MSI2: variants seen among roughly 807,000 people sequenced by gnomAD.
MSI2 encodes RNA-binding protein Musashi homolog 2.
MSI2 carries 17 observed loss-of-function variants against 45.6 expected under a neutral mutation model. That is an observed-to-expected ratio of 0.37 (90% CI 0.26 to 0.56). MSI2 has a LOEUF of 0.56. Among genes scored for constraint, MSI2 ranks in the 20% least tolerant of loss-of-function variants. The pLI, the probability that MSI2 is intolerant of heterozygous loss-of-function variation, is 0.77. For synonymous variants in MSI2, 156 were observed against 158.2 expected, an observed-to-expected ratio of 0.99 and a Z score of 0.11; for missense variants, 293 against 444.2, an observed-to-expected ratio of 0.66 and a Z score of 3.06.
intron 5 of MSI2, among the ~76,000 whole-genome samples, chr17:57,400,742 C>A (rs903531565): frequency 6.6e-6 from 1 of 151,880 alleles, no homozygotes; most frequent in Non-Finnish European, 1.5e-5. Context: ...TGGAGAGGCA[C>A]CCCAAGGAGA....
At chr17:57,271,366 G>A (rs1349648463) in intron 5 of MSI2, among the ~76,000 whole-genome samples, 1 of 152,116 alleles carries the variant, frequency 6.6e-6, no homozygotes, top group Admixed American at 6.5e-5. Context: ...ATTTAGGTTA[G>A]GGGTATGAGC....
chr17:57,285,595 A>G (rs1909799994), intron 5 of MSI2, among the ~76,000 whole-genome samples: 2 of 152,222 alleles, frequency 1.3e-5, no homozygotes, highest in Admixed American at 1.3e-4. Context: ...CAGCCTTCAA[A>G]TAAAGTTTGT....
chr17:57,547,337 A>G (rs925866731), intron 7 of MSI2, among the ~76,000 whole-genome samples: 1 of 152,216 alleles, frequency 6.6e-6, no homozygotes, highest in South Asian at 2.1e-4. Context: ...TGCTCTAGAA[A>G]GATCCCAGTG....
intron 5 of MSI2, among the ~76,000 whole-genome samples, chr17:57,381,573 C>T (rs2083599083): frequency 6.6e-6 from 1 of 152,114 alleles, no homozygotes; most frequent in Non-Finnish European, 1.5e-5. Flanking sequence ...ATATTGAGGA[C>T]AAGACTGTCG....
intron 6 of MSI2, among the ~76,000 whole-genome samples, chr17:57,410,722 G>A (rs1441126734): frequency 6.6e-6 from 1 of 152,212 alleles, no homozygotes. Flanking sequence ...GGTTGTCGAG[G>A]TCGCTAACCA....
chr17:57,449,316 A>G (rs999620957), intron 6 of MSI2: 10 of 152,212 alleles, frequency 6.6e-5, no homozygotes, highest in African/African-American at 2.4e-4. Flanking sequence ...CATGGTTCAT[A>G]GCCCCAAAGT....
At chr17:57,528,517 G>T (rs571842971) in intron 6 of MSI2, among the ~76,000 whole-genome samples, 8 of 152,320 alleles carry the variant, frequency 5.3e-5, no homozygotes, top group Non-Finnish European at 8.8e-5. Context: ...TAGCATCAGT[G>T]TATTTGTTTG....
At chr17:57,662,835 C>T (rs1468412433) in intron 11 of MSI2, among the ~76,000 whole-genome samples, 6 of 152,234 alleles carry the variant, frequency 3.9e-5, no homozygotes, top group Non-Finnish European at 5.9e-5. Context: ...TGACAGGTTT[C>T]TGGTCCCTGA....
At chr17:57,332,393 G>T (rs1194389804) in intron 5 of MSI2, among the ~76,000 whole-genome samples, 1 of 152,212 alleles carries the variant, frequency 6.6e-6, no homozygotes, top group Non-Finnish European at 1.5e-5. Context: ...GAGCCATTGT[G>T]CCCAGCCTAT....
downstream of MSI2, among the ~76,000 whole-genome samples, chr17:57,685,958 G>A (rs1913868106): frequency 6.6e-6 from 1 of 152,162 alleles, no homozygotes; most frequent in African/African-American, 2.4e-5. Flanking sequence ...GAGAGAGGGA[G>A]CAGGGAACAG....
chr17:57,559,585 C>A (rs2087523990), intron 7 of MSI2, among the ~76,000 whole-genome samples: 1 of 152,342 alleles, frequency 6.6e-6, no homozygotes, highest in African/African-American at 2.4e-5. Context: ...TGCAACACCC[C>A]TGAGAGCCAC....
rs79896805 is a variant in MSI2, at chr17:57,335,371, G to A, written c.313-66008G>A. On this transcript the variant is annotated intron_variant, in intron 5 of 13. Transcript: ENST00000284073. ...CCTTTACACCAGCCAGCTCTTAAAC[G>A]GGCAGGCCAAATCTGGCCCACCACC... Among the ~76,000 whole-genome samples the A allele has an allele frequency of 8.1e-3, 1,232 of 152,286 alleles. 14 individuals are homozygous for A. The highest frequency in any genetic ancestry group is 0.028 in the African/African-American group (1,165 of 41,554).
intron 6 of MSI2, among the ~76,000 whole-genome samples, chr17:57,447,188 G>A (rs2084915619): frequency 6.6e-6 from 1 of 152,202 alleles, no homozygotes; most frequent in African/African-American, 2.4e-5. Flanking sequence ...CTGGGCTCAA[G>A]TGATCCTCCC....
At chr17:57,273,646 G>A (rs181820196) in intron 5 of MSI2, among the ~76,000 whole-genome samples, 8 of 152,174 alleles carry the variant, frequency 5.3e-5, no homozygotes, top group South Asian at 4.1e-4. Flanking sequence ...GCAGGCCATC[G>A]CCTTAGCATG....
intron 9 of MSI2, among the ~76,000 whole-genome samples, chr17:57,622,660 A>C (rs1054085573): frequency 6.6e-6 from 1 of 152,140 alleles, no homozygotes; most frequent in African/African-American, 2.4e-5. Context: ...GAGCAAAAAA[A>C]AAAAGTATCG....
chr17:57,483,793 G>C (rs2085697229), intron 6 of MSI2, among the ~76,000 whole-genome samples: 1 of 152,166 alleles, frequency 6.6e-6, no homozygotes, highest in African/African-American at 2.4e-5. Context: ...CATTGCTGGG[G>C]TGATGCTCAC....
Position 57,544,087 on chromosome 17 carries a change from G to A in MSI2, c.454+14363G>A, listed in dbSNP as rs539528310. The stretch of plus-strand genomic sequence containing the variant: ...AGCTCTGTGTGTTGTGTGTATGTGC[G>A]TGTGAGTGTTGCTTGCAGAGTGTGT... On this transcript the variant is annotated intron_variant, in intron 7 of 13. Transcript: ENST00000284073. 6.6e-5 allele frequency among the ~76,000 whole-genome samples: 10 copies of A among 151,934 alleles called. 1 individual carries two copies. Among genetic ancestry groups the A allele is most frequent in the Non-Finnish European group, 1.5e-4 (10 of 67,806 alleles).
chr17:57,359,740 G>A (rs946609075), intron 5 of MSI2, among the ~76,000 whole-genome samples: 1 of 152,156 alleles, frequency 6.6e-6, no homozygotes, highest in Non-Finnish European at 1.5e-5. Context: ...AAGCCCTGTC[G>A]AGCCCTTGGT....
At chr17:57,636,841 T>A (rs72834951) in intron 10 of MSI2, among the ~76,000 whole-genome samples, 1 of 152,182 alleles carries the variant, frequency 6.6e-6, no homozygotes, top group African/African-American at 2.4e-5. Flanking sequence ...GAGCAATGGC[T>A]GGTTTCTTGC....
Sources: gnomAD v4.1 joint callset for allele counts (sites outside exome capture counted in the v4.1 genomes callset) on GRCh38, gnomAD v4.1.1 for gene constraint, MANE v1.5 for transcripts, NCBI Gene and HGNC (gene_info 2026-07-23, HGNC 2026-07-21) for gene names.